Variants in ADAMTS3 observed in about 807,000 individuals in gnomAD.
ADAMTS3 encodes the protein A disintegrin and metalloproteinase with thrombospondin motifs 3.
A neutral mutation model predicts 129.0 loss-of-function variants in ADAMTS3; 73 were observed. The ratio of observed to expected loss-of-function variants is 0.57; its 90% CI spans 0.47 to 0.69. ADAMTS3 has a LOEUF of 0.69. ADAMTS3 is among the 30% of genes least tolerant of loss of function. The probability of loss-of-function intolerance (pLI) is 0.00; values close to 1 mark genes in which losing one functional copy is unlikely to be tolerated. For missense variants in ADAMTS3, 1,457 were observed against 1,514.5 expected (o/e 0.96, Z 0.63); for synonymous variants, 477 against 510.8 (o/e 0.93, Z 0.89).
intron 2 of ADAMTS3, among the ~76,000 whole-genome samples, chr4:72,550,216 A>G (rs927040074): frequency 6.6e-6 from 1 of 151,938 alleles, no homozygotes; most frequent in African/African-American, 2.4e-5. Context: ...GTGCCCTAAA[A>G]AATGGTATGA....
chr4:72,489,937 T>A (rs1453346524), intron 3 of ADAMTS3, among the ~76,000 whole-genome samples: 1 of 151,882 alleles, frequency 6.6e-6, no homozygotes, highest in African/African-American at 2.4e-5. Context: ...TTGAGGAGCC[T>A]CCATACTGTT....
At chr4:72,560,838 CTTAAAA>C (rs985185633) in intron 2 of ADAMTS3, among the ~76,000 whole-genome samples, 50 of 152,272 alleles carry the variant, frequency 3.3e-4, no homozygotes, top group Admixed American at 7.8e-4. Flanking sequence ...TACCCTGGAA[CTTAAAA>C]TTAAAATTAA....
chr4:72,473,590 C>T (rs906127662), intron 3 of ADAMTS3, among the ~76,000 whole-genome samples: 11 of 151,698 alleles, frequency 7.3e-5, no homozygotes, highest in African/African-American at 2.7e-4. Flanking sequence ...TACATTCACA[C>T]CAGCACAGGC....
chr4:72,392,230 G>A (rs1305160466), intron 4 of ADAMTS3, among the ~76,000 whole-genome samples: 13 of 152,094 alleles, frequency 8.5e-5, no homozygotes, highest in Admixed American at 7.9e-4. Context: ...TATTTCATAG[G>A]CTTCACCTGA....
chr4:72,508,200 A>G (rs937139233), intron 3 of ADAMTS3, among the ~76,000 whole-genome samples: 29 of 152,088 alleles, frequency 1.9e-4, no homozygotes, highest in Admixed American at 1.8e-3. Context: ...GACCCTGCAA[A>G]TCTCCTCTCT....
At chr4:72,424,747 G>T (rs968675452) in intron 3 of ADAMTS3, among the ~76,000 whole-genome samples, 1 of 152,022 alleles carries the variant, frequency 6.6e-6, no homozygotes, top group South Asian at 2.1e-4. Flanking sequence ...CTTCTCCCAA[G>T]AAACTAGTTC....
rs1718350938 is a variant in ADAMTS3, at chr4:72,281,800, TA to T, written c.*1335del. ...GATATTAGTGTAAATATTTAGTACA[TA>T]AAAATACTATCAAGAAAAAAAATCA... On this transcript the variant is annotated 3_prime_UTR_variant, in exon 22 of 22. Transcript: ENST00000286657. The T allele has an allele frequency of 9.5e-6, 1 of 105,620 alleles. No individual in the cohort carries two copies. Among genetic ancestry groups the T allele is most frequent in the African/African-American group, 3.5e-5 (1 of 28,922 alleles). The allele number at this position is 105,620 out of a possible 1,614,324, so 6.5% of individuals were successfully genotyped here. A position where few individuals can be genotyped will look rare whatever the true frequency, so the allele number is the denominator to read the frequency against.
rs1386687480 is a variant in ADAMTS3, at chr4:72,313,662, C to G, written c.1745+15G>C. The G allele has an allele frequency of 5.6e-6, 9 of 1,611,542 alleles. No individual in the cohort carries two copies. Among genetic ancestry groups the G allele is most frequent in the Non-Finnish European group, 6.8e-6 (8 of 1,178,612 alleles). On this transcript the variant is annotated intron_variant, in intron 12 of 21. Coordinates refer to ENST00000286657, the MANE Select transcript of ADAMTS3 (RefSeq NM_014243.3). ...GTCTCTCCAAAAATAACAAGAGTTA[C>G]AAGGATATACTCACATGGGATTATT...
In ADAMTS3 at chr4:72,318,591, C is replaced by G. The variant is rs1372589426; in HGVS notation, c.1466G>C (p.Gly489Ala). The G allele has an allele frequency of 6.2e-7, 1 of 1,613,610 alleles. No homozygotes were observed. The change falls in exon 10 of 22, where the codon GGC becomes GCC. Residue 489 changes from glycine (G) to alanine (A), a missense_variant. By Grantham distance (60) the Gly-to-Ala change is moderately conservative. Transcript: ENST00000286657. ...DEQCRFDFGV[G>A]YKMCTAFRTF... Reference sequence around the variant, plus strand: ...ACATACCGCGGTGCACATTTTATAGCCAACACCAAAATCAAAACGACATTG... The same window carrying G: ...ACATACCGCGGTGCACATTTTATAGGCAACACCAAAATCAAAACGACATTG...
chr4:72,320,600 T>C, intron 7 of ADAMTS3, 114 bp downstream of exon 7: 1 of 1,068,892 alleles, frequency 9.4e-7, no homozygotes, highest in Non-Finnish European at 1.4e-6. Context: ...GCTTGGCCGG[T>C]GTGTGGTGGA....
intron 4 of ADAMTS3, among the ~76,000 whole-genome samples, chr4:72,403,584 A>T (rs73824595): frequency 0.036 from 5,402 of 151,578 alleles, 328 homozygotes; most frequent in African/African-American, 0.12. Flanking sequence ...TTGTGATGTT[A>T]TAAGTGAAAA....
intron 5 of ADAMTS3, among the ~76,000 whole-genome samples, chr4:72,328,968 A>G (rs1181671064): frequency 6.6e-6 from 1 of 152,146 alleles, no homozygotes; most frequent in Non-Finnish European, 1.5e-5. Flanking sequence ...TTTTCCTCAG[A>G]AAACAGAGGT....
At chr4:72,425,602 G>A (rs1722551373) in intron 3 of ADAMTS3, among the ~76,000 whole-genome samples, 1 of 152,008 alleles carries the variant, frequency 6.6e-6, no homozygotes, top group African/African-American at 2.4e-5. Flanking sequence ...TTTTGTCTTT[G>A]CAATAGTTTG....
chr4:72,442,005 T>A (rs1003781884), intron 3 of ADAMTS3: 1 of 151,820 alleles, frequency 6.6e-6, no homozygotes, highest in Non-Finnish European at 1.5e-5. Flanking sequence ...TGGGTCAGGA[T>A]TTCAGAGAGG....
Position 72,455,906 on chromosome 4 carries a change from CACTGTATATATACTATATATATTTTAT to C in ADAMTS3, c.505-40962_505-40936del, listed in dbSNP as rs1560522086. 3.4e-4 allele frequency among the ~76,000 whole-genome samples: 26 copies of C among 77,022 alleles called. 1 individual carries two copies. Among genetic ancestry groups the C allele is most frequent in the African/African-American group, 1.4e-3 (25 of 17,510 alleles). 50.5% of individuals were successfully genotyped at this position (77,022 alleles called of 152,430 possible). A position where few individuals can be genotyped will look rare whatever the true frequency, so the allele number is the denominator to read the frequency against. On this transcript the variant is annotated intron_variant, in intron 3 of 21. Transcript: ENST00000286657. Reference sequence around the variant, plus strand: ...ATATATATTTTATATATAGTATATACACTGTATATATACTATATATATTTTATATATAGTATATATACAGTATATATA... The same window carrying C: ...ATATATATTTTATATATAGTATATACATATAGTATATATACAGTATATATA...
At chr4:72,364,092 A>C (rs1267583714) in intron 4 of ADAMTS3, among the ~76,000 whole-genome samples, 1 of 152,184 alleles carries the variant, frequency 6.6e-6, no homozygotes, top group East Asian at 1.9e-4. Flanking sequence ...GGGCATGAAA[A>C]GTCAGGGAAC....
chr4:72,350,319 C>T (rs944278817), intron 4 of ADAMTS3, among the ~76,000 whole-genome samples: 1 of 151,948 alleles, frequency 6.6e-6, no homozygotes, highest in Non-Finnish European at 1.5e-5. Context: ...ATTTTTATAT[C>T]TTCTATGTTT....
chr4:72,405,003 T>C (rs1316940164), intron 4 of ADAMTS3, among the ~76,000 whole-genome samples: 1 of 152,108 alleles, frequency 6.6e-6, no homozygotes, highest in Non-Finnish European at 1.5e-5. Flanking sequence ...AGTGAGATAT[T>C]ACATAACACC....
At chr4:72,393,646 A>G (rs2109896654) in intron 4 of ADAMTS3, among the ~76,000 whole-genome samples, 1 of 152,306 alleles carries the variant, frequency 6.6e-6, no homozygotes, top group East Asian at 1.9e-4. Flanking sequence ...AACATATATA[A>G]TCCTTTCCAT....
Sources: gnomAD v4.1 joint callset for allele counts (sites outside exome capture counted in the v4.1 genomes callset) on GRCh38, gnomAD v4.1.1 for gene constraint, MANE v1.5 for transcripts, NCBI Gene and HGNC (gene_info 2026-07-23, HGNC 2026-07-21) for gene names.